Variants in XKR9 observed in about 807,000 individuals in gnomAD.
XKR9 encodes the protein XK-related protein 9.
Under a neutral mutation model 32.0 loss-of-function variants are expected in XKR9, and 32 were observed. The ratio of observed to expected loss-of-function variants is 1.00; its 90% CI spans 0.76 to 1.34. XKR9 has a LOEUF of 1.34. XKR9 is among the 40% of genes most tolerant of loss of function. XKR9 has a pLI of 0.00. For missense variants in XKR9, 546 were observed against 429.7 expected (o/e 1.27, Z -2.39); for synonymous variants, 168 against 143.4 (o/e 1.17, Z -1.22).
At chr8:70,832,198 G>T in the XKR9 span, among the ~76,000 whole-genome samples, 1 of 152,106 alleles carries the variant, frequency 6.6e-6, no homozygotes, top group African/African-American at 2.4e-5. Flanking sequence ...TATCACATTT[G>T]CATTATTGTT....
the XKR9 span, among the ~76,000 whole-genome samples, chr8:70,944,784 C>T: frequency 2.6e-5 from 4 of 152,130 alleles, no homozygotes; most frequent in African/African-American, 4.8e-5. Flanking sequence ...CATACAAGGC[C>T]GTCCGTTTTT....
At chr8:70,716,810 A>T (rs911778506) in intron 4 of XKR9, among the ~76,000 whole-genome samples, 1 of 152,260 alleles carries the variant, frequency 6.6e-6, no homozygotes, top group Admixed American at 6.5e-5. Context: ...CTTTAACCTA[A>T]AAGTCCAAGT....
chr8:70,870,697 G>A, the XKR9 span, among the ~76,000 whole-genome samples: 1 of 152,166 alleles, frequency 6.6e-6, no homozygotes, highest in Non-Finnish European at 1.5e-5. Flanking sequence ...GATTCATAAT[G>A]AATGACTATA....
At chr8:70,977,642 C>T in the XKR9 span, among the ~76,000 whole-genome samples, 1 of 152,000 alleles carries the variant, frequency 6.6e-6, no homozygotes, top group Non-Finnish European at 1.5e-5. Flanking sequence ...GCTGAGGAGT[C>T]CTTTACTTCC....
chr8:71,033,266 T>C, the XKR9 span, among the ~76,000 whole-genome samples: 1 of 152,162 alleles, frequency 6.6e-6, no homozygotes, highest in Non-Finnish European at 1.5e-5. Flanking sequence ...TTTAATTTCT[T>C]TGTGTTCTGA....
At chr8:71,031,511 T>C in the XKR9 span, among the ~76,000 whole-genome samples, 7 of 152,272 alleles carry the variant, frequency 4.6e-5, no homozygotes, top group South Asian at 6.2e-4. Context: ...ATCCACAAAA[T>C]GGTGAGGATA....
chr8:70,766,730 G>C (rs972577251), intron 2 of XKR9, among the ~76,000 whole-genome samples: 3 of 152,152 alleles, frequency 2.0e-5, no homozygotes, highest in African/African-American at 7.2e-5. Flanking sequence ...ATTGGCTGTG[G>C]GTTTGTCATA....
the XKR9 span, among the ~76,000 whole-genome samples, chr8:70,991,945 C>G: frequency 1.9e-3 from 284 of 152,286 alleles, 1 homozygote; most frequent in African/African-American, 6.3e-3. Flanking sequence ...CATCCCAACC[C>G]CATCTTGTTT....
At chr8:70,831,290 C>CAA in the XKR9 span, among the ~76,000 whole-genome samples, 6 of 104,394 alleles carry the variant, frequency 5.7e-5, no homozygotes, top group African/African-American at 1.8e-4. Flanking sequence ...GACTCTGTCT[C>CAA]AAAAAAAAAA....
the XKR9 span, among the ~76,000 whole-genome samples, chr8:70,812,593 G>A: frequency 6.6e-6 from 1 of 152,176 alleles, no homozygotes. Context: ...CTTTGGCAAA[G>A]TCTCAGGATA....
chr8:70,787,519 G>T (rs910719290), intron 2 of XKR9, among the ~76,000 whole-genome samples: 1 of 152,072 alleles, frequency 6.6e-6, no homozygotes, highest in Non-Finnish European at 1.5e-5. Context: ...GCAGTGTTTA[G>T]GTGCTTTAGC....
At chr8:70,853,517 C>T in the XKR9 span, among the ~76,000 whole-genome samples, 8 of 151,424 alleles carry the variant, frequency 5.3e-5, no homozygotes, top group African/African-American at 7.3e-5. Flanking sequence ...AAAAAAAACC[C>T]CAACAAATGA....
intron 2 of XKR9, among the ~76,000 whole-genome samples, chr8:70,742,482 A>C (rs1241810256): frequency 1.3e-5 from 2 of 152,236 alleles, no homozygotes; most frequent in Non-Finnish European, 1.5e-5. Flanking sequence ...ATAAAGTGAA[A>C]GTGTTCTTCG....
chr8:70,835,975 G>C, the XKR9 span, among the ~76,000 whole-genome samples: 6 of 151,904 alleles, frequency 3.9e-5, no homozygotes, highest in Admixed American at 3.3e-4. Context: ...AAATATACAG[G>C]AAAGTTTAAT....
At chr8:70,686,472 C>G (rs13266540) in intron 3 of XKR9, among the ~76,000 whole-genome samples, 50,002 of 151,002 alleles carry the variant, frequency 0.33, 9,391 homozygotes, top group Middle Eastern at 0.43. Context: ...TAGATGGATT[C>G]TTGCTCTGTT....
At chr8:70,854,562 A>G in the XKR9 span, among the ~76,000 whole-genome samples, 8 of 152,188 alleles carry the variant, frequency 5.3e-5, no homozygotes, top group South Asian at 2.1e-4. Context: ...TTTTGTTGCA[A>G]TTGCTTTCGG....
the XKR9 span, among the ~76,000 whole-genome samples, chr8:71,002,604 A>G: frequency 2.0e-5 from 3 of 152,314 alleles, no homozygotes; most frequent in Admixed American, 6.5e-5. Context: ...TATTGATACT[A>G]TTGTAACTAC....
chr8:70,687,408 T>C (rs556158207), intron 3 of XKR9, among the ~76,000 whole-genome samples: 2 of 150,918 alleles, frequency 1.3e-5, no homozygotes, highest in African/African-American at 4.9e-5. Flanking sequence ...TCTCTCTCTC[T>C]CTCCTTTCTA....
the XKR9 span, among the ~76,000 whole-genome samples, chr8:70,804,778 A>G: frequency 1.3e-5 from 2 of 152,218 alleles, no homozygotes; most frequent in Admixed American, 1.3e-4. Flanking sequence ...GAATGAATAT[A>G]AATTTTTTGT....
Sources: gnomAD v4.1 joint callset for allele counts (sites outside exome capture counted in the v4.1 genomes callset) on GRCh38, gnomAD v4.1.1 for gene constraint, MANE v1.5 for transcripts, NCBI Gene and HGNC (gene_info 2026-07-23, HGNC 2026-07-21) for gene names.